Variants in DLGAP2 observed in about 807,000 individuals in gnomAD.
DLGAP2 encodes the protein DLG associated protein 2, also known as disks large-associated protein 2.
Under a neutral mutation model 100.3 loss-of-function variants are expected in DLGAP2, and 26 were observed. The ratio of observed to expected loss-of-function variants is 0.26; its 90% CI spans 0.19 to 0.36. The LOEUF is 0.36. DLGAP2 is among the 10% of genes least tolerant of loss of function. The pLI is 1.00. For missense variants in DLGAP2, 1,858 were observed against 1,453.2 expected (o/e 1.28, Z -4.53); for synonymous variants, 886 against 630.1 (o/e 1.41, Z -6.08).
intron 1 of DLGAP2, among the ~76,000 whole-genome samples, chr8:838,952 G>A (rs1796932265): frequency 1.3e-5 from 2 of 152,186 alleles, no homozygotes; most frequent in African/African-American, 4.8e-5. Context: ...GTTCATCACA[G>A]TGATTAGATG....
intron 4 of DLGAP2, among the ~76,000 whole-genome samples, chr8:1,513,833 G>T (rs1038818461): frequency 6.6e-6 from 1 of 150,632 alleles, no homozygotes; most frequent in Non-Finnish European, 1.5e-5. Context: ...GGTCCAACAC[G>T]AAACATCCTT....
intron 1 of DLGAP2, among the ~76,000 whole-genome samples, chr8:839,313 A>C (rs962831669): frequency 6.6e-6 from 1 of 152,238 alleles, no homozygotes. Context: ...TATAGTAGCC[A>C]AGATATAGAA....
intron 3 of DLGAP2, among the ~76,000 whole-genome samples, chr8:1,468,470 C>A (rs914032993): frequency 6.6e-6 from 1 of 151,522 alleles, no homozygotes; most frequent in Non-Finnish European, 1.5e-5. Flanking sequence ...CCCCGGTTCA[C>A]ATCGCATGGA....
At chr8:841,301 A>T (rs1184307869) in intron 1 of DLGAP2, among the ~76,000 whole-genome samples, 1 of 152,164 alleles carries the variant, frequency 6.6e-6, no homozygotes, top group African/African-American at 2.4e-5. Flanking sequence ...GTGCATTGTG[A>T]TGGTCGCTCA....
At chr8:1,376,745 CG>C (rs1401163599) in intron 3 of DLGAP2, among the ~76,000 whole-genome samples, 1 of 146,310 alleles carries the variant, frequency 6.8e-6, no homozygotes, top group South Asian at 2.4e-4. Context: ...GTGTGGTCAT[CG>C]GCGGATGGCG....
intron 6 of DLGAP2, among the ~76,000 whole-genome samples, chr8:1,613,770 TC>T (rs1797060302): frequency 6.6e-6 from 1 of 152,128 alleles, no homozygotes; most frequent in African/African-American, 2.4e-5. Context: ...CAGATGTAGG[TC>T]TCCATTCTGA....
chr8:1,028,066 G>T (rs1410527677), intron 2 of DLGAP2, among the ~76,000 whole-genome samples: 4 of 134,884 alleles, frequency 3.0e-5, no homozygotes, highest in Admixed American at 8.1e-5. Context: ...TCTCCAGGTG[G>T]GGTGCCAAGC....
At chr8:1,215,153 C>T (rs139618150) in intron 2 of DLGAP2, among the ~76,000 whole-genome samples, 109 of 152,148 alleles carry the variant, frequency 7.2e-4, no homozygotes, top group African/African-American at 2.3e-3. Context: ...GGAGAATTGA[C>T]AAAAGTCATT....
chr8:1,183,051 G>C (rs1797424899), intron 2 of DLGAP2, among the ~76,000 whole-genome samples: 1 of 152,196 alleles, frequency 6.6e-6, no homozygotes, highest in Non-Finnish European at 1.5e-5. Flanking sequence ...TCACCCAGCA[G>C]CGGGACCTAC....
intron 2 of DLGAP2, among the ~76,000 whole-genome samples, chr8:947,480 G>A (rs546321509): frequency 1.3e-5 from 2 of 152,188 alleles, no homozygotes; most frequent in African/African-American, 2.4e-5. Flanking sequence ...GCGTAGAGAC[G>A]GTGGCGGCTG....
chr8:1,076,672 G>A (rs1228321323), intron 2 of DLGAP2, among the ~76,000 whole-genome samples: 4 of 152,182 alleles, frequency 2.6e-5, no homozygotes, highest in African/African-American at 7.2e-5. Context: ...ATGAAGCATC[G>A]TCTTCCTCAT....
At chr8:1,117,241 G>A (rs1359578465) in intron 2 of DLGAP2, among the ~76,000 whole-genome samples, 4 of 152,178 alleles carry the variant, frequency 2.6e-5, no homozygotes, top group African/African-American at 4.8e-5. Context: ...CTAGTGCCTC[G>A]GGGCTGTGCC....
At chr8:1,455,595 C>T (rs541914719) in intron 3 of DLGAP2, among the ~76,000 whole-genome samples, 10 of 152,350 alleles carry the variant, frequency 6.6e-5, no homozygotes, top group African/African-American at 1.2e-4. Context: ...TCGGTGGAGG[C>T]GGAGCGCACC....
chr8:872,602 T>C (rs965214668), intron 1 of DLGAP2, among the ~76,000 whole-genome samples: 1 of 152,232 alleles, frequency 6.6e-6, no homozygotes, highest in African/African-American at 2.4e-5. Flanking sequence ...GTGCTGGGAT[T>C]ACAGGCGTGA....
intron 3 of DLGAP2, among the ~76,000 whole-genome samples, chr8:1,321,489 C>T (rs963351072): frequency 3.9e-5 from 6 of 152,238 alleles, no homozygotes; most frequent in Admixed American, 1.3e-4. Context: ...ATGCATGGTC[C>T]GTGACCACCA....
intron 6 of DLGAP2, among the ~76,000 whole-genome samples, chr8:1,605,340 A>T (rs1796762041): frequency 1.3e-5 from 2 of 152,180 alleles, no homozygotes; most frequent in Non-Finnish European, 2.9e-5. Context: ...TTCCGTCGCC[A>T]CACAAGTGAT....
intron 1 of DLGAP2, among the ~76,000 whole-genome samples, chr8:872,371 C>A (rs1312110433): frequency 7.4e-6 from 1 of 134,634 alleles, no homozygotes; most frequent in Non-Finnish European, 1.5e-5. Context: ...TTCACTCTTG[C>A]TGCCCAGGCT....
At chr8:908,818 C>G (rs1798430389) in intron 2 of DLGAP2, among the ~76,000 whole-genome samples, 1 of 152,140 alleles carries the variant, frequency 6.6e-6, no homozygotes, top group Non-Finnish European at 1.5e-5. Context: ...ATTTGTGTCC[C>G]AGGATGTTTT....
rs1796065890 is a variant in DLGAP2 at position 1,380,482 on chromosome 8, G to T, written c.107-120884G>T. On this transcript the variant is annotated intron_variant, in intron 3 of 14. Transcript: ENST00000637795. ...ATAAAACTCACCCCTCCAGTTGCCAGAGATGCTCAGCTGCACAAAAGACTT... is the reference window on the plus strand; with the variant it reads ...ATAAAACTCACCCCTCCAGTTGCCATAGATGCTCAGCTGCACAAAAGACTT... 2.0e-5 allele frequency among the ~76,000 whole-genome samples: 3 copies of T among 152,224 alleles called. No homozygotes were observed. The South Asian group carries it at 6.2e-4, about 32-fold the overall frequency.
Sources: gnomAD v4.1 joint callset for allele counts (sites outside exome capture counted in the v4.1 genomes callset) on GRCh38, gnomAD v4.1.1 for gene constraint, MANE v1.5 for transcripts, NCBI Gene and HGNC (gene_info 2026-07-23, HGNC 2026-07-21) for gene names.